The following MYO16 variants were observed in gnomAD, a reference collection of about 807,000 sequenced individuals.
MYO16 encodes myosin XVI.
MYO16 carries 94 observed loss-of-function variants against 205.3 expected under a neutral mutation model. That is an observed-to-expected ratio of 0.46 (90% CI 0.39 to 0.54). MYO16 has a LOEUF of 0.54. Among genes scored for constraint, MYO16 ranks in the 20% least tolerant of loss-of-function variants. The pLI, the probability that MYO16 is intolerant of heterozygous loss-of-function variation, is 0.00. For missense variants in MYO16, 2,315 were observed against 2,387.5 expected (o/e 0.97, Z 0.63); for synonymous variants, 988 against 954.0 (o/e 1.04, Z -0.66).
intron 27 of MYO16, among the ~76,000 whole-genome samples, chr13:109,062,355 T>G (rs1426690453): frequency 6.6e-6 from 1 of 152,166 alleles, no homozygotes; most frequent in Non-Finnish European, 1.5e-5. Context: ...GGAGATTAAG[T>G]GGTCGTTCAT....
chr13:109,206,319 A>G (rs1045858256), intron 34 of MYO16, among the ~76,000 whole-genome samples: 1 of 152,226 alleles, frequency 6.6e-6, no homozygotes, highest in African/African-American at 2.4e-5. Flanking sequence ...AATCGAGGGC[A>G]TAGGTCAAGC....
At chr13:108,528,944 T>G in the MYO16 span, among the ~76,000 whole-genome samples, 5 of 151,846 alleles carry the variant, frequency 3.3e-5, no homozygotes, top group Non-Finnish European at 7.4e-5. Flanking sequence ...AGGTTGGAAG[T>G]GACGACTCGA....
intron 12 of MYO16, among the ~76,000 whole-genome samples, chr13:108,876,661 TTCTC>T (rs1225156057): frequency 2.8e-4 from 34 of 122,266 alleles, no homozygotes; most frequent in Non-Finnish European, 3.1e-4. Flanking sequence ...AGTAACTATA[TTCTC>T]TCTCTTTTTT....
chr13:108,853,362 T>C lies in MYO16; in HGVS notation c.1249-2081T>C, dbSNP rs563264529. 3.1e-4 allele frequency among the ~76,000 whole-genome samples: 47 copies of C among 152,300 alleles called. No homozygotes were observed. The South Asian group carries it at 9.1e-3, about 30-fold the overall frequency. On this transcript the variant is annotated intron_variant, in intron 10 of 34. Coordinates refer to ENST00000457511, the MANE Select transcript of MYO16 (RefSeq NM_001198950.3). ...GGCTGCAACTCCTGAACGATTCAAG[T>C]AGATAATTCTGACAGCATCAAAGCC...
the MYO16 span, among the ~76,000 whole-genome samples, chr13:108,545,849 T>C: frequency 3.3e-3 from 498 of 152,292 alleles, 10 homozygotes; most frequent in South Asian, 0.055. Flanking sequence ...TTTCTGCTTT[T>C]AATACTTACT....
chr13:109,140,329 C>T lies in MYO16; in HGVS notation c.4117C>T (p.Pro1373Ser). 2 of 1,603,202 alleles carry T rather than the reference C, an allele frequency of 1.2e-6. No individual in the cohort carries two copies. Among genetic ancestry groups the T allele is most frequent in the Non-Finnish European group, 1.7e-6 (2 of 1,179,360 alleles). ...STMKKIPPRK[P>S]KRSPNTKLSG... is the part of the protein sequence containing the mutation. ...CATGAAGAAGATTCCTCCTCGAAAGCCCAAGCGCAGCCCCAACACCAAGCT... is the reference window on the plus strand; with the variant it reads ...CATGAAGAAGATTCCTCCTCGAAAGTCCAAGCGCAGCCCCAACACCAAGCT... Residue 1373 changes from proline (P) to serine (S), a missense_variant, in exon 32 of 35, where the codon CCC becomes TCC. Pro to Ser is a moderately conservative substitution (Grantham distance 74, BLOSUM62 -1). This residue lies in a region of MYO16 where 1,097 missense variants were observed against 1,092.0 expected (regional missense o/e 1.00). Transcript: ENST00000457511. This position sits in a 1 kb window ranked among gnomAD's most constrained non-coding sequence, Gnocchi z 8.0.
intron 28 of MYO16, among the ~76,000 whole-genome samples, chr13:109,105,150 C>T (rs531850207): frequency 6.6e-6 from 1 of 152,306 alleles, no homozygotes; most frequent in Admixed American, 6.5e-5. Flanking sequence ...CAATACAGTA[C>T]ACTTGATGTG....
chr13:108,620,548 A>G (rs1390400841), intron 1 of MYO16, among the ~76,000 whole-genome samples: 1 of 152,212 alleles, frequency 6.6e-6, no homozygotes, highest in African/African-American at 2.4e-5. Context: ...AGAGGTTTCC[A>G]GTATTGGCAA....
intron 4 of MYO16, among the ~76,000 whole-genome samples, chr13:108,778,796 G>C (rs781515040): frequency 1.3e-5 from 2 of 152,088 alleles, no homozygotes; most frequent in Non-Finnish European, 1.5e-5. Context: ...ATTTTGTATT[G>C]AACAGTCAGC....
intron 2 of MYO16, among the ~76,000 whole-genome samples, chr13:108,680,121 C>G (rs575318651): frequency 3.9e-5 from 6 of 152,230 alleles, no homozygotes. Context: ...TGGAGCTGCT[C>G]CAATCCCAGC....
chr13:108,909,496 A>G (rs1218031185), intron 15 of MYO16, among the ~76,000 whole-genome samples: 1 of 151,846 alleles, frequency 6.6e-6, no homozygotes, highest in Admixed American at 6.6e-5. Flanking sequence ...CCTTTGCTGC[A>G]GTGGGTTTCC....
intron 16 of MYO16, among the ~76,000 whole-genome samples, chr13:108,938,818 A>T (rs1458986703): frequency 6.6e-6 from 1 of 152,236 alleles, no homozygotes; most frequent in African/African-American, 2.4e-5. Context: ...CCAAATGTCC[A>T]GAGATCTGCC....
the MYO16 span, among the ~76,000 whole-genome samples, chr13:108,541,510 T>A: frequency 1.3e-5 from 2 of 151,994 alleles, no homozygotes; most frequent in Admixed American, 1.3e-4. Context: ...TACAGGCTAT[T>A]ATATTTCACT....
At chr13:108,950,675 C>T (rs1389548593) in intron 16 of MYO16, among the ~76,000 whole-genome samples, 1 of 152,056 alleles carries the variant, frequency 6.6e-6, no homozygotes, top group Non-Finnish European at 1.5e-5. Context: ...ACCGTATGAC[C>T]CAGATATTGC....
chr13:108,820,545 C>G (rs576100469), intron 8 of MYO16, 133 bp downstream of exon 8: 177 of 693,510 alleles, frequency 2.6e-4, no homozygotes, highest in Admixed American at 4.1e-4. Context: ...ACAACCAGCC[C>G]AGTTCAAGCA....
At chr13:108,924,686 A>G (rs1005183446) in intron 16 of MYO16, among the ~76,000 whole-genome samples, 6 of 152,120 alleles carry the variant, frequency 3.9e-5, no homozygotes, top group Non-Finnish European at 8.8e-5. Flanking sequence ...CTTCCTTGTT[A>G]TACAAAGGAA....
At chr13:108,918,381 C>G (rs1478040129) in intron 16 of MYO16, among the ~76,000 whole-genome samples, 1 of 152,186 alleles carries the variant, frequency 6.6e-6, no homozygotes, top group African/African-American at 2.4e-5. Flanking sequence ...TTTTGAGTGT[C>G]AGGCACAACA....
chr13:109,114,218 G>T lies in MYO16; in HGVS notation c.3439-6152G>T, dbSNP rs188103340. On this transcript the variant is annotated intron_variant, in intron 28 of 34. Coordinates refer to ENST00000457511, the MANE Select transcript of MYO16 (RefSeq NM_001198950.3). The stretch of plus-strand genomic sequence containing the variant: ...GACCCAGGGTCTTACTCCTGAAAAT[G>T]TGGTCCACAGACCACCGTCACCGAC... Among the ~76,000 whole-genome samples, 244 of 152,246 alleles carry T rather than the reference G, an allele frequency of 1.6e-3. 1 individual carries two copies. The highest frequency in any genetic ancestry group is 2.7e-3 in the Non-Finnish European group (186 of 68,010).
intron 16 of MYO16, among the ~76,000 whole-genome samples, chr13:108,931,166 A>C (rs571453651): frequency 1.3e-5 from 2 of 152,200 alleles, no homozygotes; most frequent in Non-Finnish European, 1.5e-5. Context: ...CATATGATTC[A>C]TATTTAAAGT....
Sources: allele counts gnomAD v4.1 joint callset (sites outside exome capture counted in the v4.1 genomes callset), GRCh38; gene constraint gnomAD v4.1.1; regional missense constraint gnomAD v4.1.1; non-coding constraint Gnocchi (gnomAD v3.1); transcripts MANE v1.5; gene names NCBI Gene and HGNC (gene_info 2026-07-23, HGNC 2026-07-21).